Variants in CNBD1 observed in about 807,000 individuals in gnomAD.
CNBD1 encodes cyclic nucleotide-binding domain-containing protein 1.
CNBD1 carries 71 observed loss-of-function variants against 54.4 expected under a neutral mutation model. That is an observed-to-expected ratio of 1.30 (90% confidence interval 1.08 to 1.59). The LOEUF (loss-of-function observed/expected upper bound fraction) is 1.59. CNBD1 is among the 40% of genes most tolerant of loss of function. The probability of loss-of-function intolerance (pLI) is 0.00; values close to 1 mark genes in which losing one functional copy is unlikely to be tolerated. For missense variants in CNBD1, 659 were observed against 518.0 expected (o/e 1.27, Z -2.64); for synonymous variants, 182 against 170.7 (o/e 1.07, Z -0.51).
chr8:86,908,195 G>A (rs888191424), intron 3 of CNBD1, among the ~76,000 whole-genome samples: 1 of 152,206 alleles, frequency 6.6e-6, no homozygotes, highest in African/African-American at 2.4e-5. Context: ...TGGCTGAGAC[G>A]TTGAGAAACA....
chr8:87,421,562 G>T (rs1239088761), intron 2 of CNBD1, among the ~76,000 whole-genome samples: 1 of 151,776 alleles, frequency 6.6e-6, no homozygotes, highest in Non-Finnish European at 1.5e-5. Flanking sequence ...TACTGAGAAT[G>T]ATGATTTCCG....
At chr8:87,048,495 G>T (rs953847665) in intron 4 of CNBD1, among the ~76,000 whole-genome samples, 1 of 152,096 alleles carries the variant, frequency 6.6e-6, no homozygotes, top group African/African-American at 2.4e-5. Flanking sequence ...TTTTCATAAA[G>T]ACTGTGGTCT....
chr8:87,239,390 C>G (rs1056341888), intron 6 of CNBD1, among the ~76,000 whole-genome samples: 1 of 152,006 alleles, frequency 6.6e-6, no homozygotes, highest in Non-Finnish European at 1.5e-5. Context: ...TGTGTATTTA[C>G]TTAGTGGGCC....
At chr8:87,012,665 T>C (rs1809249846) in intron 4 of CNBD1, among the ~76,000 whole-genome samples, 1 of 152,188 alleles carries the variant, frequency 6.6e-6, no homozygotes, top group Admixed American at 6.5e-5. Context: ...TCTAAGAGCT[T>C]CCTCTGAACA....
rs547808623 is a variant in CNBD1 at position 86,930,440 on chromosome 8, G to A, written c.273-9156G>A. ...GAAGGACCAGAGTGCCTGGACTTGA[G>A]AAATGGCCTAGATCTTGGGCCAGTG... On this transcript the variant is annotated intron_variant, in intron 3 of 10. Transcript: ENST00000518476. 1.3e-3 allele frequency among the ~76,000 whole-genome samples: 203 copies of A among 152,294 alleles called. 1 individual carries two copies. Among genetic ancestry groups the A allele is most frequent in the Middle Eastern group, 6.8e-3 (2 of 294 alleles).
chr8:86,897,748 A>G (rs928518658), intron 2 of CNBD1, among the ~76,000 whole-genome samples: 1 of 152,204 alleles, frequency 6.6e-6, no homozygotes, highest in African/African-American at 2.4e-5. Context: ...TTGGCAAGGA[A>G]GCCTATGAAG....
intron 3 of CNBD1, among the ~76,000 whole-genome samples, chr8:86,931,513 A>G (rs2130404996): frequency 6.6e-6 from 1 of 152,126 alleles, no homozygotes; most frequent in Non-Finnish European, 1.5e-5. Context: ...CCACACTGAT[A>G]ACAAGCCCTA....
chr8:87,260,826 A>C (rs1458360922), intron 6 of CNBD1, among the ~76,000 whole-genome samples: 1 of 152,002 alleles, frequency 6.6e-6, no homozygotes, highest in Non-Finnish European at 1.5e-5. Flanking sequence ...GTAAGACTTT[A>C]CTGCCTCCTA....
intron 4 of CNBD1, among the ~76,000 whole-genome samples, chr8:87,104,468 A>T (rs1047312009): frequency 4.6e-5 from 7 of 152,224 alleles, no homozygotes; most frequent in Non-Finnish European, 8.8e-5. Context: ...TTCTGGCAGG[A>T]CTTGGTATGG....
intron 3 of CNBD1, among the ~76,000 whole-genome samples, chr8:86,910,973 G>A (rs1809091456): frequency 6.6e-6 from 1 of 152,178 alleles, no homozygotes; most frequent in East Asian, 1.9e-4. Context: ...TACATAACAC[G>A]AAGAACTGGT....
chr8:87,222,258 T>C (rs573480294), intron 5 of CNBD1, among the ~76,000 whole-genome samples: 6 of 152,168 alleles, frequency 3.9e-5, no homozygotes, highest in Non-Finnish European at 7.4e-5. Context: ...TAAAATTCTT[T>C]GGAGAGAAAT....
At position 86,972,022 on chromosome 8, in the gene CNBD1, G is replaced by A. The variant is rs534494083; in HGVS notation, c.431+32268G>A. Among the ~76,000 whole-genome samples, 621 of 151,398 alleles carry A rather than the reference G, an allele frequency of 4.1e-3. 4 individuals carry two copies. The highest frequency in any genetic ancestry group is 7.1e-3 in the Non-Finnish European group (479 of 67,874). ...GGCTGGAGTGCAGTGGCATGATCTC[G>A]GCTCACTGCAACCTCTGCCTCCTGG... On this transcript the variant is annotated intron_variant, in intron 4 of 10. Transcript: ENST00000518476.
At chr8:87,255,972 AATATATATATATATATAT>A (rs1164599078) in intron 6 of CNBD1, among the ~76,000 whole-genome samples, 341 of 16,934 alleles carry the variant, frequency 0.02, 17 homozygotes, top group African/African-American at 0.066. Context: ...TGCAGCTACA[AATATATATATATATATAT>A]ATATATATAT....
intron 10 of CNBD1, among the ~76,000 whole-genome samples, chr8:87,360,095 A>C (rs10087525): frequency 0.57 from 86,907 of 151,784 alleles, 26,577 homozygotes; most frequent in African/African-American, 0.79. Context: ...GATTCAGTTC[A>C]TCTTGAATGA....
chr8:87,217,301 T>C (rs1814233842), intron 5 of CNBD1, among the ~76,000 whole-genome samples: 1 of 152,108 alleles, frequency 6.6e-6, no homozygotes, highest in Non-Finnish European at 1.5e-5. Context: ...AAAAATCTTG[T>C]GTTTTATGGG....
At chr8:87,322,756 C>T (rs1809566356) in intron 8 of CNBD1, among the ~76,000 whole-genome samples, 1 of 79,876 alleles carries the variant, frequency 1.3e-5, no homozygotes, top group Non-Finnish European at 2.6e-5. Context: ...TTGTAGGTTG[C>T]CTGTTCACTC....
chr8:87,416,809 C>A (rs1232060680), intron 2 of CNBD1, among the ~76,000 whole-genome samples: 1 of 151,982 alleles, frequency 6.6e-6, no homozygotes, highest in East Asian at 1.9e-4. Flanking sequence ...TTACCAAAAA[C>A]AGATGAAGAT....
At chr8:86,887,243 C>G (rs1173522484) in intron 1 of CNBD1, among the ~76,000 whole-genome samples, 1 of 152,118 alleles carries the variant, frequency 6.6e-6, no homozygotes, top group Non-Finnish European at 1.5e-5. Context: ...GATAGGGATT[C>G]TGCATGGCTT....
At chr8:87,300,665 G>A (rs1000677520) in intron 8 of CNBD1, among the ~76,000 whole-genome samples, 2 of 144,330 alleles carry the variant, frequency 1.4e-5, no homozygotes, top group African/African-American at 5.2e-5. Flanking sequence ...TACTCAGGAG[G>A]CCAAGGTGGG....
Sources: gnomAD v4.1 joint callset for allele counts (sites outside exome capture counted in the v4.1 genomes callset) on GRCh38, gnomAD v4.1.1 for gene constraint, MANE v1.5 for transcripts, NCBI Gene and HGNC (gene_info 2026-07-23, HGNC 2026-07-21) for gene names.